The following MAP3K9 variants were observed in gnomAD, a reference collection of about 807,000 sequenced individuals.
MAP3K9 encodes the protein mixed lineage kinase 1 (tyr and ser/thr specificity).
MAP3K9 carries 46 observed loss-of-function variants against 95.8 expected under a neutral mutation model. The observed-to-expected ratio is 0.48, with a 90% CI of 0.38 to 0.61. The LOEUF (loss-of-function observed/expected upper bound fraction) is 0.61, where lower values mean the gene tolerates loss of function less well. Among genes scored for constraint, MAP3K9 ranks in the 20% least tolerant of loss-of-function variants. MAP3K9 has a pLI of 0.00. For missense variants in MAP3K9, 1,296 were observed against 1,474.3 expected (o/e 0.88, Z 1.98); for synonymous variants, 533 against 593.8 (o/e 0.90, Z 1.49).
chr14:70,767,235 T>C (rs996419866), intron 2 of MAP3K9, among the ~76,000 whole-genome samples: 1 of 151,752 alleles, frequency 6.6e-6, no homozygotes, highest in Non-Finnish European at 1.5e-5. Flanking sequence ...AATACAAAAA[T>C]TAGCTGGGCA....
chr14:70,745,101 C>A (rs1486067167), intron 5 of MAP3K9, among the ~76,000 whole-genome samples: 3 of 152,106 alleles, frequency 2.0e-5, no homozygotes, highest in Non-Finnish European at 4.4e-5. Flanking sequence ...TTACCCTGGG[C>A]CTTGGATTAA....
Position 70,732,575 on chromosome 14 carries a change from G to T in MAP3K9, c.2794C>A (p.Pro932Thr). The change falls in exon 11 of 12, where the codon CCC (proline) becomes ACC (threonine). Residue 932 changes from proline (P) to threonine (T), a missense_variant. By Grantham distance (38) the Pro-to-Thr change is conservative. This residue lies in a region of MAP3K9 where 433 missense variants were observed against 441.4 expected (regional missense o/e 0.98). Coordinates refer to ENST00000554752, the MANE Select transcript of MAP3K9 (RefSeq NM_001284230.2). ...CTGGGGCTCAACCCATTGCTGGAGG[G>T]GCTCCTGCTGGCTAGGAGAGTCTCT... ...KPETLLASRS[P>T]SSNGLSPSPG... 2 of 1,599,714 alleles carry T rather than the reference G, an allele frequency of 1.3e-6. No homozygotes were observed. The highest frequency in any genetic ancestry group is 1.7e-5 in the Admixed American group (1 of 58,138).
chr14:70,783,345 T>A (rs1221410884), intron 2 of MAP3K9: 1 of 985,052 alleles, frequency 1.0e-6, no homozygotes, highest in African/African-American at 1.7e-5. Context: ...AGGTTTCATA[T>A]GATCCACAGC....
intron 8 of MAP3K9, among the ~76,000 whole-genome samples, chr14:70,737,961 C>G (rs567628331): frequency 6.6e-6 from 1 of 152,154 alleles, no homozygotes; most frequent in African/African-American, 2.4e-5. Flanking sequence ...TCTCTGGAGG[C>G]TTCTGTGTTC....
chr14:70,735,196 G>A (rs1369474241), intron 9 of MAP3K9, among the ~76,000 whole-genome samples: 3 of 152,026 alleles, frequency 2.0e-5, no homozygotes, highest in Admixed American at 6.6e-5. Context: ...ATGGAAAGCC[G>A]GTAACTCTCC....
rs550216906 is a variant in MAP3K9, at chr14:70,734,578, C to T, written c.1914-80G>A. The T allele has an allele frequency of 2.7e-5, 21 of 775,592 alleles. No individual in the cohort carries two copies. The East Asian group carries it at 4.2e-4, about 15-fold the overall frequency. 48.0% of individuals were successfully genotyped at this position (775,592 alleles called of 1,614,324 possible). ...CCTCAGCTCCATGGGTCTATGGAGA[C>T]GTTTCTCCCTGCCTGCTTCATTCTA... On this transcript the variant is annotated intron_variant, in intron 9 of 11. Coordinates refer to ENST00000554752, the MANE Select transcript of MAP3K9 (RefSeq NM_001284230.2).
chr14:70,771,973 C>T (rs995172123), intron 2 of MAP3K9, among the ~76,000 whole-genome samples: 9 of 152,230 alleles, frequency 5.9e-5, no homozygotes, highest in Non-Finnish European at 1.2e-4. Flanking sequence ...AGAGTGCGGC[C>T]GCTGTGCATC....
rs962102212 is a variant in MAP3K9, at chr14:70,751,651, G to A, written c.1002-1570C>T. 6.6e-5 allele frequency among the ~76,000 whole-genome samples: 10 copies of A among 152,220 alleles called. No individual in the cohort carries two copies. The East Asian group carries it at 7.7e-4, about 12-fold the overall frequency. Reference sequence around the variant, plus strand: ...GGATGATCACTTGAATCTAGGAGGCGAAGGTTGCAGTAAGCCAAGATCACG... The same window carrying A: ...GGATGATCACTTGAATCTAGGAGGCAAAGGTTGCAGTAAGCCAAGATCACG... On this transcript the variant is annotated intron_variant, in intron 3 of 11. Transcript: ENST00000554752.
intron 10 of MAP3K9, chr14:70,733,766 C>T (rs773762945): frequency 1.9e-5 from 14 of 718,248 alleles, no homozygotes; most frequent in South Asian, 1.0e-4. Context: ...CCTTCAATGT[C>T]GATGGGCACC....
At chr14:70,804,958 G>A (rs2054974429) in intron 1 of MAP3K9, among the ~76,000 whole-genome samples, 1 of 152,140 alleles carries the variant, frequency 6.6e-6, no homozygotes, top group African/African-American at 2.4e-5. Flanking sequence ...CAGTCCCTGT[G>A]GATAGGAACG....
rs1236040104 is a variant in MAP3K9, at chr14:70,751,932, C to A, written c.1002-1851G>T. Among the ~76,000 whole-genome samples, 3 of 152,168 alleles carry A rather than the reference C, an allele frequency of 2.0e-5. No homozygotes were observed. The South Asian group carries it at 6.2e-4, about 32-fold the overall frequency. The stretch of plus-strand genomic sequence containing the variant: ...CAGAGTACATCATGGTGGGCCCAGA[C>A]CAGTTCTCAATTTATTCCCCCTAGA... On this transcript the variant is annotated intron_variant, in intron 3 of 11. Coordinates refer to ENST00000554752, the MANE Select transcript of MAP3K9 (RefSeq NM_001284230.2).
rs1292082912 is a variant in MAP3K9, at chr14:70,730,408, T to TA, written c.3286dup (p.Tyr1096LeufsTer2). 1 of 1,610,874 alleles carries TA rather than the reference T, an allele frequency of 6.2e-7. No homozygotes were observed. Among genetic ancestry groups the TA allele is most frequent in the Middle Eastern group, 1.7e-4 (1 of 6,052 alleles). ...AGACCAGAACTCCTGCTGGATCTCA[T>TA]AAGGGGCAGGCCTGTGTGTGTTCAG... On this transcript the variant is annotated frameshift_variant, in exon 12 of 12. Transcript: ENST00000554752. LOFTEE classifies it high-confidence loss of function.
chr14:70,778,746 T>C (rs2054634204), intron 2 of MAP3K9, among the ~76,000 whole-genome samples: 1 of 152,184 alleles, frequency 6.6e-6, no homozygotes, highest in Non-Finnish European at 1.5e-5. Flanking sequence ...ATATGTACTG[T>C]TTTAATCTCT....
At chr14:70,751,767 C>T (rs2054231521) in intron 3 of MAP3K9, among the ~76,000 whole-genome samples, 1 of 152,060 alleles carries the variant, frequency 6.6e-6, no homozygotes, top group African/African-American at 2.4e-5. Flanking sequence ...ATCATGAAAC[C>T]TTATATATGA....
rs1594759542 is a variant in MAP3K9, at chr14:70,730,314, G to A, written c.*66C>T. On this transcript the variant is annotated 3_prime_UTR_variant, in exon 12 of 12. Coordinates refer to ENST00000554752, the MANE Select transcript of MAP3K9 (RefSeq NM_001284230.2). ...TCAGGGGGTCCAACCCTGAGAAAGG[G>A]CTGTGCCCGCCAGCTCCCCTCATCT... 2 of 1,547,326 alleles carry A rather than the reference G, an allele frequency of 1.3e-6. No individual in the cohort carries two copies. The highest frequency in any genetic ancestry group is 2.3e-5 in the East Asian group (1 of 44,106).
rs113658051 is a variant in MAP3K9 at position 70,780,861 on chromosome 14, G to A, written c.821-19679C>T. Among the ~76,000 whole-genome samples, 27 of 152,336 alleles carry A rather than the reference G, an allele frequency of 1.8e-4. 1 individual carries two copies. The highest frequency in any genetic ancestry group is 6.0e-4 in the African/African-American group (25 of 41,586). On this transcript the variant is annotated intron_variant, in intron 2 of 11. Coordinates refer to ENST00000554752, the MANE Select transcript of MAP3K9 (RefSeq NM_001284230.2). ...GATAAAAATAACCAAAAAAGAGGAA[G>A]CCTATCAGATGCTCGATGGTTTTGT...
Position 70,800,708 on chromosome 14 carries a change from G to C in MAP3K9, c.779C>G (p.Ala260Gly). The C allele has an allele frequency of 6.2e-7, 1 of 1,614,108 alleles. No individual in the cohort carries two copies. ...ARGMNYLHDEAIVPIIHRDLK... is the reference protein window; with the variant it reads ...ARGMNYLHDEGIVPIIHRDLK... ...GTCGCGGTGGATGATGGGAACAATT[G>C]CCTCATCATGTAAGTAGTTCATCCC... is the stretch of plus-strand genomic sequence containing the variant. Residue 260 changes from alanine (A) to glycine (G), a missense_variant, in exon 2 of 12, where the codon GCA (alanine) becomes GGA (glycine). Physicochemically the swap from Ala to Gly is moderately conservative, Grantham distance 60 (BLOSUM62 0). Coordinates refer to ENST00000554752, the MANE Select transcript of MAP3K9 (RefSeq NM_001284230.2).
chr14:70,730,808 C>T lies in MAP3K9; in HGVS notation c.2887G>A (p.Asp963Asn). 2 of 1,610,814 alleles carry T rather than the reference C, an allele frequency of 1.2e-6. No individual in the cohort carries two copies. Among genetic ancestry groups the T allele is most frequent in the Admixed American group, 1.7e-5 (1 of 59,822 alleles). The change falls in exon 12 of 12, where the codon GAC becomes AAC. Residue 963 changes from aspartate (D) to asparagine (N), a missense_variant. Around this residue, in one of 5 missense-constraint regions of MAP3K9, gnomAD observed 433 missense variants for 441.4 expected, o/e 0.98. Transcript: ENST00000554752. Reference sequence around the variant, plus strand: ...GTTGGGGGGAAGACCACATTGGGGTCAGGGAGACGGGGGAATTCACCTGGG... The same window carrying T: ...GTTGGGGGGAAGACCACATTGGGGTTAGGGAGACGGGGGAATTCACCTGGG... ...RDPGEFPRLP[D>N]PNVVFPPTPR... is the part of the protein sequence containing the mutation.
intron 3 of MAP3K9, among the ~76,000 whole-genome samples, chr14:70,758,814 G>A (rs1032007256): frequency 1.3e-5 from 2 of 151,556 alleles, no homozygotes; most frequent in African/African-American, 4.9e-5. Flanking sequence ...CCAGGCTGGA[G>A]TGCAATGGCA....
Sources: gnomAD v4.1 joint callset for allele counts (sites outside exome capture counted in the v4.1 genomes callset) on GRCh38, gnomAD v4.1.1 for gene constraint, gnomAD v4.1.1 regional missense constraint, MANE v1.5 for transcripts, NCBI Gene and HGNC (gene_info 2026-07-23, HGNC 2026-07-21) for gene names.